The following PACRG variants were observed in gnomAD, a reference collection of about 807,000 sequenced individuals.
PACRG encodes the protein parkin coregulated gene protein.
A neutral mutation model predicts 29.7 loss-of-function variants in PACRG; 29 were observed. That is an observed-to-expected ratio of 0.98 (90% CI 0.73 to 1.33). The LOEUF is 1.33. Ranked by LOEUF, PACRG falls within the 40% of genes most tolerant of loss-of-function variation. The pLI, the probability that PACRG is intolerant of heterozygous loss-of-function variation, is 0.00. For missense variants in PACRG, 279 were observed against 316.2 expected, an observed-to-expected ratio of 0.88 and a Z score of 0.89; for synonymous variants, 116 against 118.7, an observed-to-expected ratio of 0.98 and a Z score of 0.15.
At chr6:162,787,576 G>C (rs1160474177) in intron 1 of PACRG, among the ~76,000 whole-genome samples, 4 of 59,536 alleles carry the variant, frequency 6.7e-5, no homozygotes, top group African/African-American at 1.3e-4. Context: ...GTGTGTGTGT[G>C]TGTGTGTATA....
intron 4 of PACRG, among the ~76,000 whole-genome samples, chr6:163,265,221 A>G (rs1410788985): frequency 1.3e-5 from 2 of 152,176 alleles, no homozygotes; most frequent in African/African-American, 4.8e-5. Flanking sequence ...CGACCCTGAT[A>G]GGCTTACAGG....
intron 1 of PACRG, among the ~76,000 whole-genome samples, chr6:162,756,383 C>G (rs1252435559): frequency 6.6e-6 from 1 of 152,132 alleles, no homozygotes; most frequent in African/African-American, 2.4e-5. Flanking sequence ...ACCCCTTTAT[C>G]ATTATGTAAT....
intron 2 of PACRG, among the ~76,000 whole-genome samples, chr6:162,947,623 T>TATATAATC (rs1554313400): frequency 8.9e-5 from 3 of 33,870 alleles, no homozygotes; most frequent in African/African-American, 2.9e-4. Flanking sequence ...TATATATATA[T>TATATAATC]ATATATATAT....
chr6:163,135,580 TTCTC>T (rs1305063740), intron 4 of PACRG, among the ~76,000 whole-genome samples: 1 of 152,212 alleles, frequency 6.6e-6, no homozygotes, highest in Non-Finnish European at 1.5e-5. Context: ...TGTTTCTCCT[TTCTC>T]TTTATTATAA....
At chr6:163,173,731 C>T (rs970147535) in intron 4 of PACRG, among the ~76,000 whole-genome samples, 1 of 152,222 alleles carries the variant, frequency 6.6e-6, no homozygotes, top group Non-Finnish European at 1.5e-5. Context: ...ACCCTGAAAA[C>T]TAGAGGGCAC....
intron 1 of PACRG, among the ~76,000 whole-genome samples, chr6:162,785,724 T>C (rs992920778): frequency 6.6e-6 from 1 of 152,206 alleles, no homozygotes; most frequent in African/African-American, 2.4e-5. Context: ...TAAGAGAATC[T>C]AATGCTACCA....
intron 2 of PACRG, among the ~76,000 whole-genome samples, chr6:163,006,158 TATATA>T (rs1402267911): frequency 1.4e-5 from 2 of 139,012 alleles, no homozygotes; most frequent in East Asian, 2.0e-4. Flanking sequence ...TAATATATTA[TATATA>T]ATATAAAACA....
At chr6:163,087,114 A>G (rs1813633533) in intron 3 of PACRG, among the ~76,000 whole-genome samples, 1 of 152,188 alleles carries the variant, frequency 6.6e-6, no homozygotes, top group Non-Finnish European at 1.5e-5. Flanking sequence ...AAAGAGATCC[A>G]TACAAGAGCA....
chr6:162,919,433 A>C lies in PACRG; in HGVS notation c.291+105152A>C, dbSNP rs554298290. On this transcript the variant is annotated intron_variant, in intron 2 of 4. Transcript: ENST00000366888. Reference sequence around the variant, plus strand: ...AAAGGATCAAAAGTTCTTGTTACGAATGATTTGAGCCATGCTCCAGAAAAA... The same window carrying C: ...AAAGGATCAAAAGTTCTTGTTACGACTGATTTGAGCCATGCTCCAGAAAAA... Among the ~76,000 whole-genome samples, 4 of 152,296 alleles carry C rather than the reference A, an allele frequency of 2.6e-5. No individual in the cohort carries two copies. The East Asian group carries it at 7.7e-4, about 29-fold the overall frequency.
chr6:162,792,034 T>C (rs1033683844), intron 1 of PACRG, among the ~76,000 whole-genome samples: 1 of 151,954 alleles, frequency 6.6e-6, no homozygotes, highest in Non-Finnish European at 1.5e-5. Context: ...AGAAGAGGTG[T>C]TGGAGGTTTG....
At chr6:162,920,570 C>A (rs1446198893) in intron 2 of PACRG, among the ~76,000 whole-genome samples, 1 of 152,096 alleles carries the variant, frequency 6.6e-6, no homozygotes, top group Non-Finnish European at 1.5e-5. Flanking sequence ...TAGCATTTTC[C>A]AGTGGATTTT....
intron 2 of PACRG, among the ~76,000 whole-genome samples, chr6:162,976,494 T>G (rs1562796242): frequency 6.6e-6 from 1 of 152,076 alleles, no homozygotes; most frequent in Non-Finnish European, 1.5e-5. Context: ...TTATAATGAA[T>G]GAGTTGGAGG....
intron 2 of PACRG, among the ~76,000 whole-genome samples, chr6:162,965,676 A>G (rs1282738810): frequency 6.6e-6 from 1 of 152,206 alleles, no homozygotes; most frequent in Non-Finnish European, 1.5e-5. Context: ...GCCTTGGCTA[A>G]GAAATTGGTG....
chr6:162,734,267 T>C (rs1390017796), intron 1 of PACRG, among the ~76,000 whole-genome samples: 2 of 140,546 alleles, frequency 1.4e-5, no homozygotes, highest in Non-Finnish European at 3.0e-5. Flanking sequence ...AAAAGCTTTT[T>C]CCTGTCTAAG....
intron 2 of PACRG, among the ~76,000 whole-genome samples, chr6:162,961,778 A>T (rs1348556961): frequency 1.3e-5 from 2 of 152,030 alleles, no homozygotes; most frequent in South Asian, 2.1e-4. Context: ...TTCTAATCAG[A>T]TCCATACCCC....
chr6:162,929,561 T>C (rs531793837), intron 2 of PACRG, among the ~76,000 whole-genome samples: 9 of 152,194 alleles, frequency 5.9e-5, no homozygotes, highest in African/African-American at 2.2e-4. Context: ...TTCCTTGCTG[T>C]GCAAAAGCTT....
At chr6:163,001,282 C>T (rs1386907217) in intron 2 of PACRG, among the ~76,000 whole-genome samples, 1 of 152,182 alleles carries the variant, frequency 6.6e-6, no homozygotes, top group South Asian at 2.1e-4. Flanking sequence ...CCACAATTCT[C>T]CAAAGAGCTT....
At chr6:163,209,149 A>T (rs1352716275) in intron 4 of PACRG, among the ~76,000 whole-genome samples, 1 of 152,220 alleles carries the variant, frequency 6.6e-6, no homozygotes, top group Non-Finnish European at 1.5e-5. Flanking sequence ...TGCATTTAGT[A>T]AAGGAAGTAC....
rs115127663 is a variant in PACRG at position 162,766,375 on chromosome 6, G to T, written c.156+37984G>T. Among the ~76,000 whole-genome samples, 936 of 152,048 alleles carry T rather than the reference G, an allele frequency of 6.2e-3. 14 individuals are homozygous for T. Among genetic ancestry groups the T allele is most frequent in the African/African-American group, 0.022 (909 of 41,484 alleles). On this transcript the variant is annotated intron_variant, in intron 1 of 4. Transcript: ENST00000366888. ...CTAGGTTTACCTTTCTCATGTTGTC[G>T]CAAATGATAGAATTTCCTGTTTATT...
Sources: gnomAD v4.1 joint callset for allele counts (sites outside exome capture counted in the v4.1 genomes callset) on GRCh38, gnomAD v4.1.1 for gene constraint, MANE v1.5 for transcripts, NCBI Gene and HGNC (gene_info 2026-07-23, HGNC 2026-07-21) for gene names.